RCVRN: variants seen among roughly 807,000 people sequenced by gnomAD.
The protein encoded by RCVRN is cancer associated retinopathy antigen.
A neutral mutation model predicts 20.4 loss-of-function variants in RCVRN; 23 were observed. The observed-to-expected ratio is 1.13, with a 90% confidence interval of 0.81 to 1.60. The LOEUF (loss-of-function observed/expected upper bound fraction) is 1.60, where lower values mean the gene tolerates loss of function less well. RCVRN is among the 40% of genes most tolerant of loss of function. The pLI is 0.00. For missense variants in RCVRN, 254 were observed against 254.2 expected (o/e 1.00, Z 0.00); for synonymous variants, 105 against 105.9 (o/e 0.99, Z 0.05).
rs2067332776 is a variant in RCVRN, at chr17:9,899,558, G to T, written c.494-1354C>A. On this transcript the variant is annotated intron_variant, in intron 2 of 2. Transcript: ENST00000226193. The surrounding 1 kb of genome is among the most constrained non-coding windows in gnomAD (Gnocchi z 4.6). The stretch of plus-strand genomic sequence containing the variant: ...GACACATGAACGGACCCAGAGGGAG[G>T]TCGCGAAGCCAGTTAAGGAGCCAGT... 6.6e-6 allele frequency among the ~76,000 whole-genome samples: 1 copy of T among 152,256 alleles called. No homozygotes were observed. The highest frequency in any genetic ancestry group is 2.4e-5 in the African/African-American group (1 of 41,466).
At position 9,904,207 on chromosome 17, in the gene RCVRN, C is replaced by T. The variant is rs1303209550; in HGVS notation, c.381+593G>A. ...AGTGAGCCAAGATCGCACTATTGCACTCCAGCTCTGGGCTACAGAGTGAGA... is the reference window on the plus strand; with the variant it reads ...AGTGAGCCAAGATCGCACTATTGCATTCCAGCTCTGGGCTACAGAGTGAGA... On this transcript the variant is annotated intron_variant, in intron 1 of 2. Coordinates refer to ENST00000226193, the MANE Select transcript of RCVRN (RefSeq NM_002903.3). The surrounding 1 kb of genome is among the most constrained non-coding windows in gnomAD (Gnocchi z 5.8). Among the ~76,000 whole-genome samples, 1 of 152,170 alleles carries T rather than the reference C, an allele frequency of 6.6e-6. No individual in the cohort carries two copies. The highest frequency in any genetic ancestry group is 2.4e-5 in the African/African-American group (1 of 41,430).
In RCVRN at chr17:9,897,749, C is replaced by G. The variant is rs2152053837; in HGVS notation, c.*346G>C. 1 of 200,726 alleles carries G rather than the reference C, an allele frequency of 5.0e-6. No homozygotes were observed. Among genetic ancestry groups the G allele is most frequent in the East Asian group, 1.2e-4 (1 of 8,358 alleles). The allele number at this position is 200,726 out of a possible 1,614,324, so 12.4% of individuals were successfully genotyped here. A position where few individuals can be genotyped will look rare whatever the true frequency, so the allele number is the denominator to read the frequency against. The stretch of plus-strand genomic sequence containing the variant: ...CGTTTATTGGAAACTGCTTACCCAG[C>G]ACTCCACAAAGGAGCTTACAGCGGG... On this transcript the variant is annotated 3_prime_UTR_variant, in exon 3 of 3. Transcript: ENST00000226193.
intron 2 of RCVRN, among the ~76,000 whole-genome samples, chr17:9,898,722 T>G (rs897320276): frequency 9.9e-5 from 15 of 152,032 alleles, no homozygotes; most frequent in Admixed American, 6.5e-4. Flanking sequence ...CCCAATGAGA[T>G]CATGCCAGGG....
Position 9,897,996 on chromosome 17 carries a change from G to GTT in RCVRN, c.*98_*99insAA, listed in dbSNP as rs1567746485. On this transcript the variant is annotated 3_prime_UTR_variant, in exon 3 of 3. Coordinates refer to ENST00000226193, the MANE Select transcript of RCVRN (RefSeq NM_002903.3). The stretch of plus-strand genomic sequence containing the variant: ...CCCTGGGGTGGATGTGTGTGTGTGT[G>GTT]TGTGCGCGCGCGTGTGTGTGCATGT... 4 of 758,338 alleles carry GTT rather than the reference G, an allele frequency of 5.3e-6. No individual in the cohort carries two copies. Among genetic ancestry groups the GTT allele is most frequent in the Non-Finnish European group, 9.6e-6 (4 of 418,478 alleles). 47.0% of individuals were successfully genotyped at this position (758,338 alleles called of 1,614,324 possible).
At chr17:9,902,351 T>C (rs571124142) in intron 1 of RCVRN, among the ~76,000 whole-genome samples, 1 of 152,304 alleles carries the variant, frequency 6.6e-6, no homozygotes, top group Admixed American at 6.5e-5. Flanking sequence ...GCATTGAGGA[T>C]AAGCCCATGG....
intron 2 of RCVRN, 26 bp from the exon 3 acceptor site, chr17:9,898,230 G>A (rs117752682): frequency 0.049 from 69,978 of 1,417,710 alleles, 1,989 homozygotes; most frequent in Non-Finnish European, 0.058. Context: ...AAATATATAC[G>A]TACATAAAAC....
Position 9,905,269 on chromosome 17 carries a change from T to G in RCVRN, c.-89A>C. 2 of 1,376,016 alleles carry G rather than the reference T, an allele frequency of 1.5e-6. No homozygotes were observed. Among genetic ancestry groups the G allele is most frequent in the South Asian group, 2.9e-5 (2 of 69,468 alleles). The allele number at this position is 1,376,016 out of a possible 1,614,324, so 85.2% of individuals were successfully genotyped here. A position where few individuals can be genotyped will look rare whatever the true frequency, so the allele number is the denominator to read the frequency against. On this transcript the variant is annotated 5_prime_UTR_variant, in exon 1 of 3. Coordinates refer to ENST00000226193, the MANE Select transcript of RCVRN (RefSeq NM_002903.3). ...GGCCGCAGGCTGGGCTCAAGGCTGG[T>G]GTGAGCTGAAGACCGAGATGCTGGT...
chr17:9,898,156 T>G lies in RCVRN; in HGVS notation c.542A>C (p.Glu181Ala). ...CTCAAACTGGATCAGTCGCAGAATT[T>G]CCTTATTGGCCAGTGTCCCCTCAAT... ...EFIEGTLANKEILRLIQFEPQ... is the reference protein window; with the variant it reads ...EFIEGTLANKAILRLIQFEPQ... The change falls in exon 3 of 3, where the codon GAA becomes GCA. Residue 181 changes from glutamate to alanine, a missense_variant. Physicochemically the swap from Glu to Ala is moderately radical, Grantham distance 107. Coordinates refer to ENST00000226193, the MANE Select transcript of RCVRN (RefSeq NM_002903.3). 6.2e-7 allele frequency: 1 copy of G among 1,614,068 alleles called. No homozygotes were observed. The highest frequency in any genetic ancestry group is 8.5e-7 in the Non-Finnish European group (1 of 1,179,932).
intron 1 of RCVRN, among the ~76,000 whole-genome samples, chr17:9,903,678 C>T (rs561013034): frequency 2.0e-5 from 3 of 152,320 alleles, no homozygotes; most frequent in South Asian, 2.1e-4. Flanking sequence ...AATATAGTCA[C>T]GTGTCGCTCA....
At chr17:9,898,812 A>G (rs2067329868) in intron 2 of RCVRN, among the ~76,000 whole-genome samples, 2 of 152,180 alleles carry the variant, frequency 1.3e-5, no homozygotes, top group Admixed American at 1.3e-4. Context: ...CAACTCCGCC[A>G]TGATCCCTTC....
intron 1 of RCVRN, chr17:9,901,338 TAAAC>T: frequency 2.6e-6 from 1 of 383,402 alleles, no homozygotes; most frequent in Non-Finnish European, 4.7e-6. Context: ...TAAACCAGAA[TAAAC>T]AAGCAGGATA....
intron 1 of RCVRN, among the ~76,000 whole-genome samples, chr17:9,903,107 A>G (rs976726803): frequency 1.8e-4 from 28 of 152,254 alleles, no homozygotes; most frequent in Non-Finnish European, 3.8e-4. Flanking sequence ...TAGCTTTAAC[A>G]TTATTTAAAA....
intron 1 of RCVRN, among the ~76,000 whole-genome samples, chr17:9,902,644 T>C (rs1597415673): frequency 6.6e-6 from 1 of 152,056 alleles, no homozygotes; most frequent in South Asian, 2.1e-4. Context: ...TCCAAAAACA[T>C]AGGAATGTTC....
chr17:9,901,079 G>A lies in RCVRN; in HGVS notation c.403C>T (p.Pro135Ser), dbSNP rs754466346. 1 of 1,604,286 alleles carries A rather than the reference G, an allele frequency of 6.2e-7. No homozygotes were observed. The highest frequency in any genetic ancestry group is 1.3e-5 in the African/African-American group (1 of 74,850). ...IVMAIFKMIT[P>S]EDVKLLPDDE... ...TCTGGAAGGAGCTTCACGTCCTCGG[G>A]AGTGATCATTTTGAAAATAGCCTGT... The change falls in exon 2 of 3, where the codon CCC becomes TCC. Residue 135 changes from proline (P) to serine (S), a missense_variant. Coordinates refer to ENST00000226193, the MANE Select transcript of RCVRN (RefSeq NM_002903.3).
Position 9,901,026 on chromosome 17 carries a change from G to C in RCVRN, c.456C>G (p.Ala152=). The change falls in exon 2 of 3, where the codon GCC becomes GCG. Residue 152 remains alanine, a synonymous_variant. Coordinates refer to ENST00000226193, the MANE Select transcript of RCVRN (RefSeq NM_002903.3). ...PDDENTPEKR[A]EKIWKYFGKN... is the part of the protein sequence containing the mutation. ...TTCCAAAGTACTTCCAGATCTTCTC[G>C]GCTCGCTTTTCCGGCGTGTTTTCAT... is the stretch of plus-strand genomic sequence containing the variant. 1 of 1,608,786 alleles carries C rather than the reference G, an allele frequency of 6.2e-7. No individual in the cohort carries two copies. The highest frequency in any genetic ancestry group is 8.5e-7 in the Non-Finnish European group (1 of 1,175,936).
Position 9,904,857 on chromosome 17 carries a change from G to C in RCVRN, c.324C>G (p.Leu108=). ...TNQKLEWAFS[L]YDVDGNGTIS... is the part of the protein sequence containing the mutation. ...TGGTCCCGTTACCGTCCACGTCGTAGAGGGAGAAGGCCCACTCCAGCTTCT... is the reference window on the plus strand; with the variant it reads ...TGGTCCCGTTACCGTCCACGTCGTACAGGGAGAAGGCCCACTCCAGCTTCT... Residue 108 remains leucine (L), a synonymous_variant, in exon 1 of 3, where the codon CTC becomes CTG. Coordinates refer to ENST00000226193, the MANE Select transcript of RCVRN (RefSeq NM_002903.3). This position sits in a 1 kb window ranked among gnomAD's most constrained non-coding sequence, Gnocchi z 5.8. The C allele has an allele frequency of 1.2e-6, 2 of 1,614,242 alleles. No homozygotes were observed. The highest frequency in any genetic ancestry group is 8.5e-7 in the Non-Finnish European group (1 of 1,180,034).
rs1376557165 is a variant in RCVRN at position 9,897,924 on chromosome 17, T to C, written c.*171A>G. 6.6e-6 allele frequency: 4 copies of C among 604,574 alleles called. No individual in the cohort carries two copies. The highest frequency in any genetic ancestry group is 1.2e-5 in the Non-Finnish European group (4 of 336,862). 37.5% of individuals were successfully genotyped at this position (604,574 alleles called of 1,614,324 possible). On this transcript the variant is annotated 3_prime_UTR_variant, in exon 3 of 3. Transcript: ENST00000226193. ...AGTGGGTCACTACAGATGCTTCAGT[T>C]TGGCAGGGAGCTGTGCTGTGGGCTT...
chr17:9,901,992 C>G (rs73259138), intron 1 of RCVRN, among the ~76,000 whole-genome samples: 4 of 151,684 alleles, frequency 2.6e-5, no homozygotes, highest in Admixed American at 6.6e-5. Flanking sequence ...GATGGAGTCT[C>G]CCTCCCTCCC....
At position 9,904,847 on chromosome 17, in the gene RCVRN, C is replaced by A. The variant is rs199976308; in HGVS notation, c.334G>T (p.Asp112Tyr). ...TTCTTGCTGATGGTCCCGTTACCGT[C>A]CACGTCGTAGAGGGAGAAGGCCCAC... is the stretch of plus-strand genomic sequence containing the variant. ...LEWAFSLYDVDGNGTISKNEV... is the reference protein window; with the variant it reads ...LEWAFSLYDVYGNGTISKNEV... The change falls in exon 1 of 3, where the codon GAC becomes TAC. Residue 112 changes from aspartate to tyrosine, a missense_variant. Transcript: ENST00000226193. This position sits in a 1 kb window ranked among gnomAD's most constrained non-coding sequence, Gnocchi z 5.8. 1.2e-6 allele frequency: 2 copies of A among 1,614,204 alleles called. No individual in the cohort carries two copies. Among genetic ancestry groups the A allele is most frequent in the South Asian group, 1.1e-5 (1 of 91,078 alleles).
Sources: gnomAD v4.1 joint callset for allele counts (sites outside exome capture counted in the v4.1 genomes callset) on GRCh38, gnomAD v4.1.1 for gene constraint, Gnocchi (gnomAD v3.1) non-coding constraint, MANE v1.5 for transcripts, NCBI Gene and HGNC (gene_info 2026-07-23, HGNC 2026-07-21) for gene names.